Variants in KLHDC1 observed in about 807,000 individuals in gnomAD.
KLHDC1 encodes kelch domain containing 1, also known as kelch domain-containing protein 1.
In KLHDC1, 53 loss-of-function variants were observed where a neutral mutation model predicts 68.3. That is an observed-to-expected ratio of 0.78 (90% CI 0.62 to 0.98). The LOEUF (loss-of-function observed/expected upper bound fraction) is 0.98, where lower values mean the gene tolerates loss of function less well. Among genes scored for constraint, KLHDC1 ranks in the 50% least tolerant of loss-of-function variants. The probability of loss-of-function intolerance (pLI) is 0.00; values close to 1 mark genes in which losing one functional copy is unlikely to be tolerated. For synonymous variants in KLHDC1, 148 were observed against 159.0 expected, an observed-to-expected ratio of 0.93 and a Z score of 0.52; for missense variants, 470 against 492.3, an observed-to-expected ratio of 0.95 and a Z score of 0.43.
intron 10 of KLHDC1, among the ~76,000 whole-genome samples, chr14:49,738,451 G>A (rs1888984182): frequency 6.6e-6 from 1 of 151,022 alleles, no homozygotes; most frequent in African/African-American, 2.4e-5. Flanking sequence ...GGTTTAAGCA[G>A]TTCTCCTGCC....
chr14:49,719,750 CT>C (rs1006284928), intron 4 of KLHDC1, among the ~76,000 whole-genome samples: 3 of 151,576 alleles, frequency 2.0e-5, no homozygotes, highest in African/African-American at 7.3e-5. Flanking sequence ...TGTTACATTG[CT>C]TTTTGGCCTC....
At chr14:49,704,437 C>T (rs7161559) in intron 1 of KLHDC1, among the ~76,000 whole-genome samples, 1 of 134,444 alleles carries the variant, frequency 7.4e-6, no homozygotes, top group African/African-American at 2.8e-5. Flanking sequence ...TTTGTCGCCC[C>T]GGCTGGAGTG....
chr14:49,740,338 TTTTG>T (rs912268611), intron 11 of KLHDC1, among the ~76,000 whole-genome samples, 156 bp downstream of exon 11: 5 of 152,134 alleles, frequency 3.3e-5, no homozygotes, highest in African/African-American at 1.2e-4. Flanking sequence ...TGACTGGCTT[TTTTG>T]TTTGTTTGTT....
At chr14:49,695,050 A>G (rs983744743) in intron 1 of KLHDC1, among the ~76,000 whole-genome samples, 11 of 151,690 alleles carry the variant, frequency 7.3e-5, no homozygotes, top group Admixed American at 7.2e-4. Context: ...AGACAAGACA[A>G]TGAAGTTTGC....
chr14:49,729,916 ATT>A (rs2139757495), intron 8 of KLHDC1, among the ~76,000 whole-genome samples: 1 of 152,348 alleles, frequency 6.6e-6, no homozygotes, highest in South Asian at 2.1e-4. Context: ...GAACAAATAT[ATT>A]TAGCTATCAA....
chr14:49,729,501 G>C lies in KLHDC1; in HGVS notation c.663G>C (p.Met221Ile). 1 of 1,609,300 alleles carries C rather than the reference G, an allele frequency of 6.2e-7. No individual in the cohort carries two copies. The highest frequency in any genetic ancestry group is 8.5e-7 in the Non-Finnish European group (1 of 1,176,010). ...IFGGRVLQTRMNDLHYLNLDT... is the reference protein window; with the variant it reads ...IFGGRVLQTRINDLHYLNLDT... ...CACTTTTCTTTTAGCAAACTAGGAT[G>C]AATGATTTGCACTATCTAAACCTAG... The change falls in exon 8 of 13, where the codon ATG becomes ATC. Residue 221 changes from methionine (M) to isoleucine (I), a missense_variant. Met to Ile is a conservative substitution (Grantham distance 10). Transcript: ENST00000359332.
intron 4 of KLHDC1, among the ~76,000 whole-genome samples, chr14:49,716,676 G>A (rs370675819): frequency 1.3e-5 from 2 of 152,032 alleles, no homozygotes; most frequent in African/African-American, 2.4e-5. Context: ...GAGATACCAC[G>A]CCCGGCTTGC....
chr14:49,719,825 T>C (rs1377531572), intron 4 of KLHDC1, among the ~76,000 whole-genome samples: 1 of 151,810 alleles, frequency 6.6e-6, no homozygotes, highest in Non-Finnish European at 1.5e-5. Context: ...TTTATTATTA[T>C]TATTATTTTG....
At chr14:49,732,933 C>A in intron 9 of KLHDC1, 117 bp downstream of exon 9, 1 of 618,578 alleles carries the variant, frequency 1.6e-6, no homozygotes, top group Non-Finnish European at 2.8e-6. Context: ...TTGCCTTTAT[C>A]CTCAATTATT....
intron 4 of KLHDC1, among the ~76,000 whole-genome samples, chr14:49,721,028 C>T (rs770969094): frequency 2.6e-5 from 4 of 152,064 alleles, no homozygotes; most frequent in Non-Finnish European, 5.9e-5. Flanking sequence ...TGCATGTTGT[C>T]CACATCTTTC....
At chr14:49,728,381 T>C (rs1226617751) in intron 6 of KLHDC1, among the ~76,000 whole-genome samples, 1 of 152,188 alleles carries the variant, frequency 6.6e-6, no homozygotes, top group African/African-American at 2.4e-5. Flanking sequence ...CAAAATAAAG[T>C]GTAGAGAAGT....
chr14:49,729,563 T>C lies in KLHDC1; in HGVS notation c.710+15T>C. On this transcript the variant is annotated intron_variant, in intron 8 of 12. Transcript: ENST00000359332. ...TGGTCTGGAAGGTAAGTTTGAAGTCTAAGTACGTTTTAATCTATAGGCATG... is the reference window on the plus strand; with the variant it reads ...TGGTCTGGAAGGTAAGTTTGAAGTCCAAGTACGTTTTAATCTATAGGCATG... The C allele has an allele frequency of 6.4e-7, 1 of 1,558,224 alleles. No individual in the cohort carries two copies. The highest frequency in any genetic ancestry group is 8.8e-7 in the Non-Finnish European group (1 of 1,130,208).
chr14:49,701,287 T>A lies in KLHDC1; in HGVS notation c.97-7872T>A, dbSNP rs186947272. ...AATACAGAAAAATTAAGCTATATAA[T>A]ACTGGAAGAGAATATATGACTTCTA... On this transcript the variant is annotated intron_variant, in intron 1 of 12. Coordinates refer to ENST00000359332, the MANE Select transcript of KLHDC1 (RefSeq NM_172193.3). Among the ~76,000 whole-genome samples the A allele has an allele frequency of 5.3e-3, 802 of 152,188 alleles. 7 individuals are homozygous for A. Among genetic ancestry groups the A allele is most frequent in the African/African-American group, 0.019 (769 of 41,528 alleles).
At chr14:49,714,487 A>T (rs1454229586) in intron 4 of KLHDC1, among the ~76,000 whole-genome samples, 1 of 151,418 alleles carries the variant, frequency 6.6e-6, no homozygotes, top group Non-Finnish European at 1.5e-5. Flanking sequence ...ACGAAAAAAA[A>T]TCTAGGCTGG....
At chr14:49,748,450 G>A (rs979232292) in intron 12 of KLHDC1, among the ~76,000 whole-genome samples, 8 of 152,038 alleles carry the variant, frequency 5.3e-5, no homozygotes, top group Non-Finnish European at 8.8e-5. Flanking sequence ...ACATACAGCT[G>A]GTGTTCCAAA....
At chr14:49,704,295 T>A (rs1192456821) in intron 1 of KLHDC1, among the ~76,000 whole-genome samples, 2 of 152,258 alleles carry the variant, frequency 1.3e-5, no homozygotes, top group East Asian at 3.9e-4. Context: ...TTGCTTTTTT[T>A]AACTAATTTA....
At chr14:49,725,023 A>C (rs549084127) in intron 5 of KLHDC1, among the ~76,000 whole-genome samples, 3 of 152,152 alleles carry the variant, frequency 2.0e-5, no homozygotes, top group Non-Finnish European at 2.9e-5. Context: ...TAAATTGTTT[A>C]GCTTATTTTA....
chr14:49,732,900 TC>T (rs1440293242), intron 9 of KLHDC1, 84 bp downstream of exon 9: 1 of 703,994 alleles, frequency 1.4e-6, no homozygotes, highest in Admixed American at 2.7e-5. Flanking sequence ...AAGTAAATCT[TC>T]CTTTTTTCCT....
rs747131729 is a variant in KLHDC1 at position 49,732,725 on chromosome 14, C to A, written c.732C>A (p.Ser244Arg). 13 of 1,600,504 alleles carry A rather than the reference C, an allele frequency of 8.1e-6. No homozygotes were observed. The Admixed American group carries it at 2.2e-4, about 27-fold the overall frequency. Reference sequence around the variant, plus strand: ...ACAGGATTACTATTAATGGAGAAAGCCCAAAACATCGGTCATGGCATACTT... The same window carrying A: ...ACAGGATTACTATTAATGGAGAAAGACCAAAACATCGGTCATGGCATACTT... The part of the protein sequence containing the change: ...WSGRITINGE[S>R]PKHRSWHTLT... Residue 244 changes from serine (S) to arginine (R), a missense_variant, in exon 9 of 13, where the codon AGC (serine) becomes AGA (arginine). By Grantham distance (110) the Ser-to-Arg change is moderately radical. Transcript: ENST00000359332.
Sources: allele counts gnomAD v4.1 joint callset (sites outside exome capture counted in the v4.1 genomes callset), GRCh38; gene constraint gnomAD v4.1.1; transcripts MANE v1.5; gene names NCBI Gene and HGNC (gene_info 2026-07-23, HGNC 2026-07-21).